ABL1: variants seen among roughly 807,000 people sequenced by gnomAD.
The protein encoded by ABL1 is ABL proto-oncogene 1, non-receptor tyrosine kinase.
ABL1 carries 11 observed loss-of-function variants against 94.7 expected under a neutral mutation model. That is an observed-to-expected ratio of 0.12 (90% CI 0.07 to 0.19). The LOEUF (loss-of-function observed/expected upper bound fraction) is 0.19. Among genes scored for constraint, ABL1 ranks in the 10% least tolerant of loss-of-function variants. ABL1 has a pLI of 1.00. For synonymous variants in ABL1, 656 were observed against 622.4 expected (o/e 1.05, Z -0.80); for missense variants, 1,082 against 1,489.4 (o/e 0.73, Z 4.50).
chr9:130,885,122 C>T lies in ABL1; in HGVS notation c.2832C>T (p.Asp944=), dbSNP rs151176526. 188 of 1,612,330 alleles carry T rather than the reference C, an allele frequency of 1.2e-4. No individual in the cohort carries two copies. The highest frequency in any genetic ancestry group is 3.0e-4 in the South Asian group (27 of 91,016). ...ATSLVDAVNS[D]AAKPSQPGEG... is the part of the protein sequence containing the mutation. The stretch of plus-strand genomic sequence containing the variant: ...GTCTGGTTGATGCTGTGAACAGTGA[C>T]GCTGCCAAGCCCAGCCAGCCGGGAG... Residue 944 remains aspartate, a synonymous_variant, in exon 11 of 11, where the codon GAC becomes GAT. Coordinates refer to ENST00000318560, the MANE Select transcript of ABL1 (RefSeq NM_005157.6).
At chr9:130,800,198 T>C (rs1425220576) in intron 1 of ABL1, among the ~76,000 whole-genome samples, 6 of 152,190 alleles carry the variant, frequency 3.9e-5, no homozygotes, top group Admixed American at 3.3e-4. Flanking sequence ...TAGATACTTA[T>C]TGAATTTTAG....
chr9:130,841,415 TATA>T (rs1830669334), intron 1 of ABL1, among the ~76,000 whole-genome samples: 1 of 151,792 alleles, frequency 6.6e-6, no homozygotes, highest in South Asian at 2.1e-4. Flanking sequence ...CCAAAAATCT[TATA>T]ATGTTTTTAA....
Position 130,741,142 on chromosome 9 carries a change from G to A in ABL1, c.136+26687G>A, listed in dbSNP as rs192256249. 6.6e-5 allele frequency among the ~76,000 whole-genome samples: 10 copies of A among 152,290 alleles called. No individual in the cohort carries two copies. In the East Asian group the frequency reaches 1.9e-3, roughly 29 times the overall value. ...GTCAAAGGGCTAGAAGGGTCCTGGA[G>A]GTTTGCCACTTCTCCGTGTTGAGGT... On this transcript the variant is annotated intron_variant, in intron 1 of 10. Transcript: ENST00000372348.
intron 1 of ABL1, among the ~76,000 whole-genome samples, chr9:130,792,740 G>A (rs781258482): frequency 2.0e-5 from 3 of 152,180 alleles, no homozygotes; most frequent in African/African-American, 7.2e-5. Context: ...GATGACAGAT[G>A]TTGTCCCTAC....
intron 1 of ABL1, among the ~76,000 whole-genome samples, chr9:130,806,088 ATAGT>A (rs887947762): frequency 6.6e-6 from 1 of 152,166 alleles, no homozygotes; most frequent in Non-Finnish European, 1.5e-5. Flanking sequence ...GAGAGTTACA[ATAGT>A]TAGTGAAAAT....
At chr9:130,837,500 C>G (rs1019769434) in intron 1 of ABL1, among the ~76,000 whole-genome samples, 1 of 151,436 alleles carries the variant, frequency 6.6e-6, no homozygotes, top group Non-Finnish European at 1.5e-5. Flanking sequence ...AAATCTAAAA[C>G]TCATTCCAAC....
At chr9:130,851,126 G>T (rs537140882) in intron 1 of ABL1, among the ~76,000 whole-genome samples, 8 of 151,900 alleles carry the variant, frequency 5.3e-5, no homozygotes, top group Admixed American at 4.6e-4. Context: ...GGGCTTCACC[G>T]TGTTAGTCAG....
intron 1 of ABL1, among the ~76,000 whole-genome samples, chr9:130,827,953 C>A (rs1476971905): frequency 7.3e-6 from 1 of 137,526 alleles, no homozygotes; most frequent in East Asian, 2.0e-4. Flanking sequence ...GCATTTCCCA[C>A]AAATACTGCT....
chr9:130,767,110 AC>A (rs1457073913), intron 1 of ABL1, among the ~76,000 whole-genome samples: 113 of 152,244 alleles, frequency 7.4e-4, no homozygotes, highest in African/African-American at 2.7e-3. Context: ...GCCCCAGCTC[AC>A]ATGACATCTT....
chr9:130,751,224 C>T (rs1831962739), intron 1 of ABL1, among the ~76,000 whole-genome samples: 3 of 142,398 alleles, frequency 2.1e-5, no homozygotes, highest in South Asian at 2.3e-4. Flanking sequence ...TCACTGCAAC[C>T]TCTGCCTCCC....
At position 130,886,648 on chromosome 9, in the gene ABL1, G is replaced by C. The variant is rs1831588978; in HGVS notation, c.*965G>C. On this transcript the variant is annotated 3_prime_UTR_variant, in exon 11 of 11. Transcript: ENST00000318560. ...GTGAACCGTCCTTTCACACATCTGG[G>C]TGCCCTGAAAGGGCCCTTCCCCTCC... The C allele has an allele frequency of 4.3e-6, 1 of 233,598 alleles. No individual in the cohort carries two copies. Among genetic ancestry groups the C allele is most frequent in the African/African-American group, 2.2e-5 (1 of 45,346 alleles). The allele number at this position is 233,598 out of a possible 1,614,324, so 14.5% of individuals were successfully genotyped here.
chr9:130,841,293 G>C (rs186344031), intron 1 of ABL1, among the ~76,000 whole-genome samples: 3 of 151,634 alleles, frequency 2.0e-5, no homozygotes, highest in Non-Finnish European at 4.4e-5. Flanking sequence ...TACTACAGGC[G>C]CCCGGGGGTT....
At chr9:130,858,925 G>A (rs1010917296) in intron 3 of ABL1, among the ~76,000 whole-genome samples, 2 of 152,226 alleles carry the variant, frequency 1.3e-5, no homozygotes, top group Admixed American at 6.5e-5. Context: ...GTCATCAGCC[G>A]AGGACCATCA....
At chr9:130,881,982 C>T (rs941595297) in intron 10 of ABL1, among the ~76,000 whole-genome samples, 3 of 151,978 alleles carry the variant, frequency 2.0e-5, no homozygotes, top group African/African-American at 7.3e-5. Flanking sequence ...TGTACCAAAA[C>T]GCACATTTAA....
chr9:130,728,891 C>G (rs904986320), intron 1 of ABL1, among the ~76,000 whole-genome samples: 6 of 152,038 alleles, frequency 3.9e-5, no homozygotes, highest in African/African-American at 1.4e-4. Flanking sequence ...TGCATTTTTG[C>G]ATGTTAAATA....
rs188055464 is a variant in ABL1 at position 130,716,839 on chromosome 9, C to T, written c.136+2384C>T. ...AATCTCGGCTCACTGCAACCTCTGC[C>T]TCCCGGGTTCAAGCGATTCTCCTGC... On this transcript the variant is annotated intron_variant, in intron 1 of 10. Coordinates refer to the ABL1 transcript ENST00000372348. 3.9e-3 allele frequency among the ~76,000 whole-genome samples: 596 copies of T among 152,098 alleles called. 2 individuals carry two copies. The highest frequency in any genetic ancestry group is 5.4e-3 in the Non-Finnish European group (369 of 67,986).
intron 1 of ABL1, among the ~76,000 whole-genome samples, chr9:130,820,593 G>A (rs1418961508): frequency 1.3e-5 from 2 of 152,138 alleles, no homozygotes; most frequent in Non-Finnish European, 2.9e-5. Flanking sequence ...AGAGTTGGGT[G>A]GAATCATTTC....
intron 1 of ABL1, among the ~76,000 whole-genome samples, chr9:130,796,221 CAACTCATTAAG>C (rs1254112766): frequency 1.3e-5 from 2 of 151,248 alleles, no homozygotes; most frequent in Admixed American, 1.3e-4. Flanking sequence ...AACATATATG[CAACTCATTAAG>C]AACTTTTTGG....
intron 8 of ABL1, among the ~76,000 whole-genome samples, chr9:130,879,793 C>A (rs886754734): frequency 6.6e-6 from 1 of 152,190 alleles, no homozygotes; most frequent in Non-Finnish European, 1.5e-5. Context: ...CCTACTAGAG[C>A]GGGACTGGGA....
Sources: allele counts gnomAD v4.1 joint callset (sites outside exome capture counted in the v4.1 genomes callset), GRCh38; gene constraint gnomAD v4.1.1; transcripts MANE v1.5; gene names NCBI Gene and HGNC (gene_info 2026-07-23, HGNC 2026-07-21).